LRCH3: variants seen among roughly 807,000 people sequenced by gnomAD.
LRCH3 encodes the protein DISP complex protein LRCH3.
In LRCH3, 68 loss-of-function variants were observed where a neutral mutation model predicts 104.5. That is an observed-to-expected ratio of 0.65 (90% CI 0.54 to 0.80). LRCH3 has a LOEUF of 0.80. LRCH3 is among the 30% of genes least tolerant of loss of function. The pLI is 0.00. For missense variants in LRCH3, 951 were observed against 953.9 expected (o/e 1.00, Z 0.04); for synonymous variants, 344 against 361.3 (o/e 0.95, Z 0.54).
At chr3:197,831,795 T>A (rs61583033) in intron 7 of LRCH3, among the ~76,000 whole-genome samples, 1,816 of 150,772 alleles carry the variant, frequency 0.012, 31 homozygotes, top group Middle Eastern at 0.041. Flanking sequence ...TTAAAAAAAA[T>A]TTTTTTTTAG....
At chr3:197,818,327 A>G (rs1734093004) in intron 3 of LRCH3, among the ~76,000 whole-genome samples, 1 of 152,248 alleles carries the variant, frequency 6.6e-6, no homozygotes, top group African/African-American at 2.4e-5. Flanking sequence ...GTTATATAAC[A>G]GAAATAGTAT....
At chr3:197,863,955 G>A (rs1741169349) in intron 15 of LRCH3, among the ~76,000 whole-genome samples, 1 of 152,106 alleles carries the variant, frequency 6.6e-6, no homozygotes, top group Non-Finnish European at 1.5e-5. Flanking sequence ...TCTGTCTTAG[G>A]ATGATCATTT....
At chr3:197,866,012 A>T (rs1741440151) in intron 16 of LRCH3, 100 bp from the exon 17 acceptor site, 1 of 846,080 alleles carries the variant, frequency 1.2e-6, no homozygotes, top group Non-Finnish European at 1.9e-6. Flanking sequence ...ATTTTATATC[A>T]TTGCCATGTT....
chr3:197,844,999 G>C (rs1346372074), intron 10 of LRCH3, among the ~76,000 whole-genome samples: 4 of 152,174 alleles, frequency 2.6e-5, no homozygotes, highest in Non-Finnish European at 5.9e-5. Context: ...TGACAGACTT[G>C]TGAGGTGAAA....
intron 20 of LRCH3, chr3:197,880,509 C>CAGG (rs1272891168): frequency 6.5e-7 from 1 of 1,534,346 alleles, no homozygotes; most frequent in African/African-American, 1.4e-5. Context: ...ACACTTTGGA[C>CAGG]AGGACAATCT....
chr3:197,854,291 T>C lies in LRCH3; in HGVS notation c.1591-101T>C, dbSNP rs914311178. 8 of 980,954 alleles carry C rather than the reference T, an allele frequency of 8.2e-6. No homozygotes were observed. In the African/African-American group the frequency reaches 1.1e-4, roughly 14 times the overall value. 60.8% of individuals were successfully genotyped at this position (980,954 alleles called of 1,614,324 possible). A position where few individuals can be genotyped will look rare whatever the true frequency, so the allele number is the denominator to read the frequency against. ...CTCTATGTCAACGTCTTCAAAAGTA[T>C]GTCTTAATATGTCTCTTCCCTTGTG... On this transcript the variant is annotated intron_variant, in intron 13 of 20. Transcript: ENST00000425562. This position sits in a 1 kb window ranked among gnomAD's most constrained non-coding sequence, Gnocchi z 4.5.
At chr3:197,879,377 T>G (rs188243531) in intron 20 of LRCH3, among the ~76,000 whole-genome samples, 26 of 152,162 alleles carry the variant, frequency 1.7e-4, no homozygotes, top group Non-Finnish European at 3.4e-4. Context: ...CCGGGCGCGG[T>G]GGCTCACGCC....
Position 197,796,936 on chromosome 3 carries a change from G to A in LRCH3, c.262+5396G>A, listed in dbSNP as rs1467793682. Among the ~76,000 whole-genome samples the A allele has an allele frequency of 2.6e-5, 4 of 152,170 alleles. No individual in the cohort carries two copies. In the East Asian group the frequency reaches 7.7e-4, roughly 29 times the overall value. Reference sequence around the variant, plus strand: ...CAAATAGAAACTAGAGCTTTAGAATGTAGAGTGACACTTTAGGAGGCTGAG... The same window carrying A: ...CAAATAGAAACTAGAGCTTTAGAATATAGAGTGACACTTTAGGAGGCTGAG... On this transcript the variant is annotated intron_variant, in intron 1 of 20. Coordinates refer to ENST00000425562, the MANE Select transcript of LRCH3 (RefSeq NM_001365715.1).
At chr3:197,849,632 T>C (rs773601395) in intron 12 of LRCH3, among the ~76,000 whole-genome samples, 1 of 152,182 alleles carries the variant, frequency 6.6e-6, no homozygotes, top group Non-Finnish European at 1.5e-5. Context: ...GGAAATACTT[T>C]ATTGGTTTAT....
intron 1 of LRCH3, among the ~76,000 whole-genome samples, chr3:197,812,149 T>G (rs941873236): frequency 1.3e-5 from 2 of 152,212 alleles, no homozygotes; most frequent in African/African-American, 4.8e-5. Flanking sequence ...TATCCCAGAC[T>G]GCAACACTGT....
At chr3:197,807,262 G>A (rs1284263059) in intron 1 of LRCH3, among the ~76,000 whole-genome samples, 4 of 150,888 alleles carry the variant, frequency 2.7e-5, no homozygotes, top group Admixed American at 2.6e-4. Context: ...TGTCGCCCAG[G>A]CTGGAGTGCA....
chr3:197,850,487 A>G lies in LRCH3; in HGVS notation c.1531-2074A>G, dbSNP rs1205574732. 5 of 1,591,710 alleles carry G rather than the reference A, an allele frequency of 3.1e-6. No homozygotes were observed. In the African/African-American group the frequency reaches 6.7e-5, roughly 21 times the overall value. Reference sequence around the variant, plus strand: ...CAACCTCCTCTTCTGGTTTAGGAACAATCTGTTCCTTTTCCATAAGGATCA... The same window carrying G: ...CAACCTCCTCTTCTGGTTTAGGAACGATCTGTTCCTTTTCCATAAGGATCA... On this transcript the variant is annotated intron_variant, in intron 12 of 20. Transcript: ENST00000425562.
At chr3:197,846,401 CA>C (rs869092632) in intron 10 of LRCH3, among the ~76,000 whole-genome samples, 5 of 122,534 alleles carry the variant, frequency 4.1e-5, no homozygotes, top group South Asian at 2.9e-4. Flanking sequence ...AAAAAAAAAA[CA>C]AAAAAAAAAC....
At chr3:197,863,144 C>A (rs922230278) in intron 15 of LRCH3, among the ~76,000 whole-genome samples, 1 of 152,034 alleles carries the variant, frequency 6.6e-6, no homozygotes, top group African/African-American at 2.4e-5. Context: ...ATTTTAGAGT[C>A]ATTATGTCCA....
intron 3 of LRCH3, among the ~76,000 whole-genome samples, chr3:197,819,138 A>AG (rs1416602072): frequency 6.6e-6 from 1 of 151,850 alleles, no homozygotes; most frequent in Non-Finnish European, 1.5e-5. Flanking sequence ...AAAAAAAAAA[A>AG]AAAAGAAAAA....
chr3:197,800,142 T>G (rs559638386), intron 1 of LRCH3, among the ~76,000 whole-genome samples: 96 of 151,332 alleles, frequency 6.3e-4, no homozygotes, highest in Admixed American at 2.7e-3. Flanking sequence ...TGAGCCAAGA[T>G]CACGCTGATC....
At chr3:197,802,098 T>C (rs543577221) in intron 1 of LRCH3, among the ~76,000 whole-genome samples, 2 of 152,356 alleles carry the variant, frequency 1.3e-5, no homozygotes, top group East Asian at 3.9e-4. Flanking sequence ...CTTCCTCTGC[T>C]GCTGCTATCC....
intron 15 of LRCH3, among the ~76,000 whole-genome samples, chr3:197,863,550 C>T (rs1298961067): frequency 2.0e-5 from 3 of 152,164 alleles, no homozygotes; most frequent in Non-Finnish European, 2.9e-5. Flanking sequence ...TGGCCCATCG[C>T]GCTCGGCCTA....
At chr3:197,825,580 C>T (rs1000711896) in intron 4 of LRCH3, among the ~76,000 whole-genome samples, 10 of 144,902 alleles carry the variant, frequency 6.9e-5, no homozygotes, top group African/African-American at 1.8e-4. Context: ...CCCGGGTTCA[C>T]GCCATTCTCC....
Sources: gnomAD v4.1 joint callset for allele counts (sites outside exome capture counted in the v4.1 genomes callset) on GRCh38, gnomAD v4.1.1 for gene constraint, Gnocchi (gnomAD v3.1) non-coding constraint, MANE v1.5 for transcripts, NCBI Gene and HGNC (gene_info 2026-07-23, HGNC 2026-07-21) for gene names.